The following RNF216 variants were observed in gnomAD, a reference collection of about 807,000 sequenced individuals.
RNF216 encodes the protein ring finger protein 216.
In RNF216, 72 loss-of-function variants were observed where a neutral mutation model predicts 110.8. That is an observed-to-expected ratio of 0.65 (90% CI 0.54 to 0.79). The LOEUF is 0.79. Among genes scored for constraint, RNF216 ranks in the 30% least tolerant of loss-of-function variants. The pLI, the probability that RNF216 is intolerant of heterozygous loss-of-function variation, is 0.00. For missense variants in RNF216, 1,342 were observed against 1,141.2 expected (o/e 1.18, Z -2.54); for synonymous variants, 495 against 407.5 (o/e 1.21, Z -2.59).
chr7:5,627,074 C>T (rs1017550698), intron 15 of RNF216, among the ~76,000 whole-genome samples: 7 of 152,192 alleles, frequency 4.6e-5, no homozygotes, highest in Non-Finnish European at 8.8e-5. Context: ...CCATCAGTCC[C>T]CAAGGGACAC....
intron 13 of RNF216, among the ~76,000 whole-genome samples, chr7:5,709,431 C>T (rs954964260): frequency 1.2e-4 from 18 of 152,150 alleles, no homozygotes; most frequent in Admixed American, 6.5e-4. Context: ...ATGGTCCTTC[C>T]GTTGTTGTTG....
At position 5,761,095 on chromosome 7, in the gene RNF216, G is replaced by A. The variant is rs201660964; in HGVS notation, c.-26C>T. 4.6e-4 allele frequency: 681 copies of A among 1,491,802 alleles called. No individual in the cohort carries two copies. Among genetic ancestry groups the A allele is most frequent in the Non-Finnish European group, 5.4e-4 (599 of 1,099,132 alleles). The allele number at this position is 1,491,802 out of a possible 1,614,324, so 92.4% of individuals were successfully genotyped here. A position where few individuals can be genotyped will look rare whatever the true frequency, so the allele number is the denominator to read the frequency against. ...TTTCAAATGCAGACATGCATATATG[G>A]GACTGCTAATATCTAAACATGGTGA... On this transcript the variant is annotated 5_prime_UTR_variant, in exon 2 of 17. Transcript: ENST00000389902.
chr7:5,715,110 C>A lies in RNF216; in HGVS notation c.1776G>T (p.Leu592Phe). 1 of 1,613,946 alleles carries A rather than the reference C, an allele frequency of 6.2e-7. No individual in the cohort carries two copies. The highest frequency in any genetic ancestry group is 2.2e-5 in the East Asian group (1 of 44,892). The change falls in exon 11 of 17, where the codon TTG (leucine) becomes TTT (phenylalanine). Residue 592 changes from leucine to phenylalanine, a missense_variant. Leu to Phe is a conservative substitution (Grantham distance 22). Transcript: ENST00000389902. Reference sequence around the variant, plus strand: ...ATCTGATGAGACACTCTTTGCAGAACAAGTGAGCATCTGCGCACTGCGTCA... The same window carrying A: ...ATCTGATGAGACACTCTTTGCAGAAAAAGTGAGCATCTGCGCACTGCGTCA... ...EELTQCADAH[L>F]FCKECLIRYA...
At chr7:5,631,082 C>G (rs1787041247) in intron 15 of RNF216, among the ~76,000 whole-genome samples, 2 of 152,120 alleles carry the variant, frequency 1.3e-5, no homozygotes, top group African/African-American at 4.8e-5. Context: ...CTGAGAAGAG[C>G]AGAATTCTGA....
At chr7:5,761,175 G>A (rs1237291478) in intron 1 of RNF216, 37 bp from the exon 2 acceptor site, 1 of 626,534 alleles carries the variant, frequency 1.6e-6, no homozygotes, top group Non-Finnish European at 2.7e-6. Flanking sequence ...AAGAATGAGG[G>A]AGTATCAAAA....
chr7:5,761,519 G>A (rs1433025070), intron 1 of RNF216, among the ~76,000 whole-genome samples: 1 of 152,220 alleles, frequency 6.6e-6, no homozygotes, highest in East Asian at 1.9e-4. Flanking sequence ...CAGACGCAGT[G>A]GCTCACGCCT....
chr7:5,691,534 GA>G (rs1175439707), intron 13 of RNF216, among the ~76,000 whole-genome samples: 2 of 152,340 alleles, frequency 1.3e-5, no homozygotes, highest in African/African-American at 4.8e-5. Flanking sequence ...GAGAAGGGGA[GA>G]GGGGGAATGT....
intron 13 of RNF216, among the ~76,000 whole-genome samples, chr7:5,711,332 G>A (rs560497043): frequency 1.3e-5 from 2 of 152,314 alleles, no homozygotes; most frequent in African/African-American, 2.4e-5. Flanking sequence ...ATGCCACTAA[G>A]ATGCCCAGTT....
At chr7:5,702,001 G>T (rs905575403) in intron 13 of RNF216, among the ~76,000 whole-genome samples, 1 of 152,174 alleles carries the variant, frequency 6.6e-6, no homozygotes, top group African/African-American at 2.4e-5. Flanking sequence ...GATGTTGTCT[G>T]GGACAAGGAA....
At chr7:5,737,776 T>G (rs1347545478) in intron 5 of RNF216, among the ~76,000 whole-genome samples, 1 of 152,024 alleles carries the variant, frequency 6.6e-6, no homozygotes, top group Non-Finnish European at 1.5e-5. Context: ...GGAAAGGTGT[T>G]TAGTGAACTA....
At chr7:5,777,143 C>A (rs558553071) in intron 1 of RNF216, among the ~76,000 whole-genome samples, 2 of 150,084 alleles carry the variant, frequency 1.3e-5, no homozygotes, top group Non-Finnish European at 3.0e-5. Context: ...TTCCAGCAGT[C>A]TTTGACAAGG....
intron 4 of RNF216, among the ~76,000 whole-genome samples, chr7:5,740,040 C>T (rs571958999): frequency 5.4e-4 from 81 of 149,690 alleles, no homozygotes; most frequent in Non-Finnish European, 9.2e-4. Flanking sequence ...AAAAAAAACC[C>T]GCCTGGGTAA....
intron 13 of RNF216, among the ~76,000 whole-genome samples, chr7:5,658,047 C>T (rs1255682932): frequency 1.3e-5 from 2 of 152,152 alleles, no homozygotes; most frequent in Admixed American, 6.5e-5. Context: ...GTAATGTGCA[C>T]GCACACACGG....
At chr7:5,763,998 G>A (rs973915469) in intron 1 of RNF216, among the ~76,000 whole-genome samples, 6 of 152,054 alleles carry the variant, frequency 3.9e-5, no homozygotes, top group Non-Finnish European at 8.8e-5. Flanking sequence ...AGACCAGCCT[G>A]GCCAACATGG....
At chr7:5,753,812 C>T (rs868435721) in intron 2 of RNF216, among the ~76,000 whole-genome samples, 12 of 152,174 alleles carry the variant, frequency 7.9e-5, no homozygotes, top group African/African-American at 2.4e-4. Flanking sequence ...CAGACGAACA[C>T]GGTGAAACAC....
chr7:5,771,505 A>G (rs1203727922), intron 1 of RNF216, among the ~76,000 whole-genome samples: 1 of 152,196 alleles, frequency 6.6e-6, no homozygotes, highest in Non-Finnish European at 1.5e-5. Flanking sequence ...CTGAAAAGAA[A>G]AAGAATCCCG....
At chr7:5,667,417 A>G (rs1789600862) in intron 13 of RNF216, among the ~76,000 whole-genome samples, 3 of 152,234 alleles carry the variant, frequency 2.0e-5, no homozygotes. Flanking sequence ...GGAAGTCCCA[A>G]GGATCACTGC....
chr7:5,649,524 A>T (rs1206167720), intron 14 of RNF216: 2 of 151,992 alleles, frequency 1.3e-5, no homozygotes, highest in African/African-American at 4.8e-5. Context: ...GAGAAAAAAA[A>T]CGTTTTGACA....
chr7:5,712,491 T>C (rs1034578660), intron 12 of RNF216, among the ~76,000 whole-genome samples: 2 of 151,126 alleles, frequency 1.3e-5, no homozygotes, highest in African/African-American at 4.9e-5. Context: ...AAAAAGAAGT[T>C]TGAGGGGCAG....
Sources: gnomAD v4.1 joint callset for allele counts (sites outside exome capture counted in the v4.1 genomes callset) on GRCh38, gnomAD v4.1.1 for gene constraint, MANE v1.5 for transcripts, NCBI Gene and HGNC (gene_info 2026-07-23, HGNC 2026-07-21) for gene names.